Variants in MRTFB observed in about 807,000 individuals in gnomAD.
MRTFB encodes the protein myocardin-related transcription factor B.
A neutral mutation model predicts 104.2 loss-of-function variants in MRTFB; 29 were observed. That is an observed-to-expected ratio of 0.28 (90% CI 0.21 to 0.38). The LOEUF is 0.38. MRTFB is among the 10% of genes least tolerant of loss of function. The pLI is 1.00. For missense variants in MRTFB, 1,270 were observed against 1,341.6 expected (o/e 0.95, Z 0.83); for synonymous variants, 535 against 519.5 (o/e 1.03, Z -0.41).
chr16:14,018,245 A>G, the MRTFB span, among the ~76,000 whole-genome samples: 2 of 152,166 alleles, frequency 1.3e-5, no homozygotes, highest in African/African-American at 4.8e-5. Context: ...TCCACCGCTT[A>G]TAGCTACATG....
chr16:14,200,996 G>T (rs1249269361), intron 3 of MRTFB: 24 of 1,457,356 alleles, frequency 1.6e-5, no homozygotes, highest in Non-Finnish European at 2.1e-5. Flanking sequence ...TATGTGCTTT[G>T]TTACATTGGG....
the MRTFB span, among the ~76,000 whole-genome samples, chr16:14,054,351 G>C: frequency 0.024 from 3,644 of 152,130 alleles, 160 homozygotes; most frequent in African/African-American, 0.083. Context: ...CAAGTAGCTG[G>C]GATTACAGGC....
chr16:14,196,522 T>G (rs1444045562), intron 3 of MRTFB, among the ~76,000 whole-genome samples: 1 of 152,238 alleles, frequency 6.6e-6, no homozygotes, highest in Non-Finnish European at 1.5e-5. Context: ...AACTTTATGT[T>G]GAAATCAAAG....
rs773767840 is a variant in MRTFB, at chr16:14,218,914, G to C, written c.609G>C (p.Gln203His). ...TGTCTCCGGACCAGCCTGCGAGTCA[G>C]GAGTCACAGGGGTCAGCCGCGTCCC... Reference protein sequence around the residue: ...DALSPDQPASQESQGSAASPS... With the variant: ...DALSPDQPASHESQGSAASPS... The change falls in exon 8 of 17, where the codon CAG becomes CAC. Residue 203 changes from glutamine (Q) to histidine (H), a missense_variant. Gln to His is a conservative substitution (Grantham distance 24). Coordinates refer to ENST00000571589, the MANE Select transcript of MRTFB (RefSeq NM_001308142.2). 2 of 1,613,984 alleles carry C rather than the reference G, an allele frequency of 1.2e-6. No individual in the cohort carries two copies. Among genetic ancestry groups the C allele is most frequent in the East Asian group, 2.2e-5 (1 of 44,896 alleles).
At chr16:14,061,119 C>T in the MRTFB span, among the ~76,000 whole-genome samples, 4 of 151,976 alleles carry the variant, frequency 2.6e-5, no homozygotes, top group African/African-American at 9.7e-5. Flanking sequence ...GCACTCCAGC[C>T]TGGGCGACAG....
chr16:14,049,549 G>A, the MRTFB span, among the ~76,000 whole-genome samples: 1 of 152,198 alleles, frequency 6.6e-6, no homozygotes, highest in Non-Finnish European at 1.5e-5. Context: ...CAATATGATT[G>A]CGGATTGGAT....
chr16:14,227,951 T>TAAAAAAAAAAAAAAAA (rs369511525), intron 8 of MRTFB, among the ~76,000 whole-genome samples: 1 of 134,550 alleles, frequency 7.4e-6, no homozygotes. Flanking sequence ...CAGTCTATCT[T>TAAAAAAAAAAAAAAAA]AAAAAAAAAA....
chr16:14,144,981 CATATATATATATATGT>C (rs1359636618), intron 3 of MRTFB, among the ~76,000 whole-genome samples: 1 of 104,384 alleles, frequency 9.6e-6, no homozygotes, highest in Non-Finnish European at 1.6e-5. Context: ...TATATACATA[CATATATATATATATGT>C]ATATATATAT....
chr16:14,168,896 T>G (rs2039334287), intron 3 of MRTFB, among the ~76,000 whole-genome samples: 1 of 152,230 alleles, frequency 6.6e-6, no homozygotes, highest in Non-Finnish European at 1.5e-5. Flanking sequence ...ACCATTTCTG[T>G]GGGTGTGTGT....
In MRTFB at chr16:14,249,175, T is replaced by C. The variant is rs75111338; in HGVS notation, c.2403+94T>C. 7,477 of 1,382,294 alleles carry C rather than the reference T, an allele frequency of 5.4e-3. 243 individuals carry two copies. In the African/African-American group the frequency reaches 0.076, roughly 14 times the overall value. The allele number at this position is 1,382,294 out of a possible 1,614,324, so 85.6% of individuals were successfully genotyped here. A position where few individuals can be genotyped will look rare whatever the true frequency, so the allele number is the denominator to read the frequency against. On this transcript the variant is annotated intron_variant, in intron 13 of 16. Transcript: ENST00000571589. ...GCATCTTTGTAAACGCCCTGGGAAG[T>C]TCCTGTTCATTCTTTTCTGTGATCC...
At chr16:14,196,141 GA>G (rs1220508336) in intron 3 of MRTFB, among the ~76,000 whole-genome samples, 2 of 152,178 alleles carry the variant, frequency 1.3e-5, no homozygotes, top group Non-Finnish European at 2.9e-5. Context: ...GTGAAGGTAT[GA>G]TGAGTTTAAA....
chr16:14,148,653 A>G (rs2038449394), intron 3 of MRTFB: 1 of 152,532 alleles, frequency 6.6e-6, no homozygotes, highest in Non-Finnish European at 1.5e-5. Flanking sequence ...GACTGCCCTC[A>G]CTATTATTGA....
chr16:14,023,329 C>T, the MRTFB span, among the ~76,000 whole-genome samples: 1 of 151,984 alleles, frequency 6.6e-6, no homozygotes, highest in Non-Finnish European at 1.5e-5. Flanking sequence ...CCTGTAGTCC[C>T]AGCTATTCAG....
Position 14,194,558 on chromosome 16 carries a change from G to A in MRTFB, c.155-15685G>A, listed in dbSNP as rs534751150. Among the ~76,000 whole-genome samples the A allele has an allele frequency of 3.9e-5, 6 of 152,306 alleles. 1 individual carries two copies. In the South Asian group the frequency reaches 1.2e-3, roughly 32 times the overall value. On this transcript the variant is annotated intron_variant, in intron 3 of 16. Coordinates refer to ENST00000571589, the MANE Select transcript of MRTFB (RefSeq NM_001308142.2). The stretch of plus-strand genomic sequence containing the variant: ...ATAACAGCAGTGAATTCTTATTGAT[G>A]TAAGAACTTTTTCTAGTGGTATTTT...
upstream of MRTFB, among the ~76,000 whole-genome samples, chr16:14,071,013 T>C (rs1047773348): frequency 7.2e-5 from 11 of 152,292 alleles, no homozygotes; most frequent in African/African-American, 2.6e-4. Context: ...CGGTCACCTT[T>C]GTCGCCACCG....
chr16:14,117,019 C>T (rs1430389153), intron 2 of MRTFB, among the ~76,000 whole-genome samples: 3 of 152,268 alleles, frequency 2.0e-5, no homozygotes, highest in East Asian at 3.9e-4. Flanking sequence ...TCAGCTCTCT[C>T]GGGACATGGC....
chr16:14,248,395 A>G (rs2043114392), intron 12 of MRTFB: 1 of 152,364 alleles, frequency 6.6e-6, no homozygotes, highest in African/African-American at 2.4e-5. Flanking sequence ...TCTTTAGGGT[A>G]TCTGTGAAAT....
chr16:14,257,544 T>C (rs1213651973), intron 15 of MRTFB, among the ~76,000 whole-genome samples: 2 of 151,928 alleles, frequency 1.3e-5, no homozygotes, highest in Non-Finnish European at 2.9e-5. Context: ...ATAAAACTAA[T>C]CTATAGTGAA....
At chr16:14,116,496 A>G (rs949751215) in intron 2 of MRTFB, among the ~76,000 whole-genome samples, 1 of 152,118 alleles carries the variant, frequency 6.6e-6, no homozygotes, top group African/African-American at 2.4e-5. Context: ...CCTGGTGTTT[A>G]ACACCCTCCT....
Sources: gnomAD v4.1 joint callset for allele counts (sites outside exome capture counted in the v4.1 genomes callset) on GRCh38, gnomAD v4.1.1 for gene constraint, MANE v1.5 for transcripts, NCBI Gene and HGNC (gene_info 2026-07-23, HGNC 2026-07-21) for gene names.